Variants in PTPN14 observed in about 807,000 individuals in gnomAD.
PTPN14 encodes protein tyrosine phosphatase non-receptor type 14, also known as tyrosine-protein phosphatase non-receptor type 14.
PTPN14 carries 53 observed loss-of-function variants against 126.8 expected under a neutral mutation model. The observed-to-expected ratio is 0.42, with a 90% CI of 0.34 to 0.53. The LOEUF (loss-of-function observed/expected upper bound fraction) is 0.53. Ranked by LOEUF, PTPN14 falls within the 20% of genes least tolerant of loss-of-function variation. The pLI, the probability that PTPN14 is intolerant of heterozygous loss-of-function variation, is 0.08. For missense variants in PTPN14, 1,257 were observed against 1,552.9 expected (o/e 0.81, Z 3.20); for synonymous variants, 630 against 599.3 (o/e 1.05, Z -0.75).
At chr1:214,457,363 C>A (rs563874972) in intron 2 of PTPN14, among the ~76,000 whole-genome samples, 3 of 152,196 alleles carry the variant, frequency 2.0e-5, no homozygotes, top group Non-Finnish European at 4.4e-5. Flanking sequence ...GGCTCTTAGG[C>A]TTAGCCTTAG....
intron 11 of PTPN14, among the ~76,000 whole-genome samples, chr1:214,387,140 G>T (rs553231753): frequency 6.6e-6 from 1 of 152,360 alleles, no homozygotes; most frequent in African/African-American, 2.4e-5. Context: ...GAGAAATGAA[G>T]TTGGTTCAAG....
intron 1 of PTPN14, among the ~76,000 whole-genome samples, chr1:214,520,486 A>G (rs1655228498): frequency 6.6e-6 from 1 of 152,216 alleles, no homozygotes; most frequent in Non-Finnish European, 1.5e-5. Flanking sequence ...AAGAATTTTC[A>G]GCAAAACAGA....
intron 18 of PTPN14, among the ~76,000 whole-genome samples, chr1:214,360,451 C>T (rs1002271543): frequency 6.6e-6 from 1 of 152,192 alleles, no homozygotes; most frequent in Non-Finnish European, 1.5e-5. Context: ...AGGTTATAAG[C>T]TTCTGACAGT....
intron 7 of PTPN14, among the ~76,000 whole-genome samples, chr1:214,400,411 G>A (rs187666233): frequency 2.6e-5 from 4 of 152,288 alleles, no homozygotes; most frequent in Admixed American, 6.5e-5. Flanking sequence ...AGTCAGAAGC[G>A]CCTATCTTCC....
chr1:214,428,300 C>G (rs1659715114), intron 3 of PTPN14, among the ~76,000 whole-genome samples: 1 of 152,192 alleles, frequency 6.6e-6, no homozygotes, highest in South Asian at 2.1e-4. Context: ...GCCTGAGCAA[C>G]TAAACTAAAC....
At chr1:214,460,521 T>TC (rs1232032046) in intron 2 of PTPN14, among the ~76,000 whole-genome samples, 1,008 of 52,442 alleles carry the variant, frequency 0.019, 9 homozygotes, top group African/African-American at 0.097. Context: ...CCCTGAAAAT[T>TC]CCAACACACA....
chr1:214,424,232 T>C (rs865825740), intron 3 of PTPN14, among the ~76,000 whole-genome samples: 1 of 149,596 alleles, frequency 6.7e-6, no homozygotes, highest in Non-Finnish European at 1.5e-5. Context: ...GAGGTGGAGG[T>C]TGCAGTGAGC....
intron 1 of PTPN14, among the ~76,000 whole-genome samples, chr1:214,526,568 G>GA (rs943242657): frequency 3.6e-4 from 54 of 149,490 alleles, no homozygotes; most frequent in East Asian, 7.8e-4. Context: ...AGCTCTGGTA[G>GA]AAAAAAAAAC....
At chr1:214,377,301 C>A (rs1160596112) in intron 14 of PTPN14, among the ~76,000 whole-genome samples, 1 of 152,130 alleles carries the variant, frequency 6.6e-6, no homozygotes. Context: ...CATGTTGTCA[C>A]TTATAAGTGG....
chr1:214,426,767 G>A (rs1216807561), intron 3 of PTPN14, among the ~76,000 whole-genome samples: 7 of 152,062 alleles, frequency 4.6e-5, no homozygotes, highest in African/African-American at 1.2e-4. Context: ...GAATAGGAGC[G>A]CATTAAATGT....
At chr1:214,508,187 T>C (rs1654888658) in intron 1 of PTPN14, among the ~76,000 whole-genome samples, 1 of 152,206 alleles carries the variant, frequency 6.6e-6, no homozygotes, top group Admixed American at 6.5e-5. Context: ...ATCAGTTGAC[T>C]CTTCCTTTCA....
chr1:214,461,636 A>G (rs1660515526), intron 2 of PTPN14, among the ~76,000 whole-genome samples: 1 of 5,564 alleles, frequency 1.8e-4, no homozygotes, highest in South Asian at 4.0e-3. Flanking sequence ...TCTCAACTGG[A>G]AAAAAAAAAA....
intron 10 of PTPN14, among the ~76,000 whole-genome samples, chr1:214,391,704 TAAA>T (rs11368443): frequency 7.2e-6 from 1 of 139,316 alleles, no homozygotes. Flanking sequence ...AGTGTTACCA[TAAA>T]AAAAAAAAAA....
In PTPN14 at chr1:214,376,383, G is replaced by C. The variant is rs376127067; in HGVS notation, c.2743C>G (p.Gln915Glu). The change falls in exon 15 of 19, where the codon CAA becomes GAA. Residue 915 changes from glutamine to glutamate, a missense_variant. By Grantham distance (29) the Gln-to-Glu change is conservative (BLOSUM62 2). Coordinates refer to ENST00000366956, the MANE Select transcript of PTPN14 (RefSeq NM_005401.5). ...EEGMVFTEYE[Q>E]IPKKKANGIF... ...CCATTCGCCTTTTTCTTTGGAATTT[G>C]CTCATATTCTGTGAACACCATTCCC... is the stretch of plus-strand genomic sequence containing the variant. 3 of 1,613,948 alleles carry C rather than the reference G, an allele frequency of 1.9e-6. No individual in the cohort carries two copies. The highest frequency in any genetic ancestry group is 2.5e-6 in the Non-Finnish European group (3 of 1,179,974).
intron 1 of PTPN14, among the ~76,000 whole-genome samples, chr1:214,485,011 C>A (rs116735930): frequency 0.016 from 2,402 of 152,208 alleles, 40 homozygotes; most frequent in Non-Finnish European, 0.024. Context: ...ATGTGTTCAA[C>A]AAAGAAAATG....
chr1:214,482,852 A>G (rs1661024695), intron 1 of PTPN14: 2 of 1,603,912 alleles, frequency 1.2e-6, no homozygotes, highest in South Asian at 2.2e-5. Context: ...TGATGTCACC[A>G]ATGTTAATAT....
chr1:214,485,875 G>A (rs969473472), intron 1 of PTPN14, among the ~76,000 whole-genome samples: 32 of 152,116 alleles, frequency 2.1e-4, no homozygotes, highest in Non-Finnish European at 3.7e-4. Flanking sequence ...ACAGGCGCCC[G>A]CCGCCACACC....
chr1:214,400,091 T>C (rs1259531579), intron 7 of PTPN14, among the ~76,000 whole-genome samples: 1 of 152,186 alleles, frequency 6.6e-6, no homozygotes, highest in African/African-American at 2.4e-5. Flanking sequence ...CACGGAAAAG[T>C]TCATGCTAAA....
intron 13 of PTPN14, among the ~76,000 whole-genome samples, chr1:214,379,295 T>C (rs1251087809): frequency 6.6e-6 from 1 of 152,234 alleles, no homozygotes; most frequent in Non-Finnish European, 1.5e-5. Context: ...TTCTATGATG[T>C]ATAAATTCAC....
Sources: gnomAD v4.1 joint callset for allele counts (sites outside exome capture counted in the v4.1 genomes callset) on GRCh38, gnomAD v4.1.1 for gene constraint, MANE v1.5 for transcripts, NCBI Gene and HGNC (gene_info 2026-07-23, HGNC 2026-07-21) for gene names.